TTYH3: variants seen among roughly 807,000 people sequenced by gnomAD.
The protein encoded by TTYH3 is tweety family member 3, also known as protein tweety homolog 3.
TTYH3 carries 23 observed loss-of-function variants against 68.2 expected under a neutral mutation model. The ratio of observed to expected loss-of-function variants is 0.34; its 90% CI spans 0.24 to 0.48. The LOEUF is 0.48. TTYH3 is among the 20% of genes least tolerant of loss of function. The pLI is 0.99. For missense variants in TTYH3, 768 were observed against 727.7 expected, an observed-to-expected ratio of 1.06 and a Z score of -0.64; for synonymous variants, 360 against 332.8, an observed-to-expected ratio of 1.08 and a Z score of -0.89.
In TTYH3 at chr7:2,657,313, G is replaced by C. The variant is rs576969890; in HGVS notation, c.1250+779G>C. 2.3e-4 allele frequency among the ~76,000 whole-genome samples: 35 copies of C among 152,076 alleles called. 1 individual carries two copies. Among genetic ancestry groups the C allele is most frequent in the African/African-American group, 8.2e-4 (34 of 41,448 alleles). On this transcript the variant is annotated intron_variant, in intron 11 of 13. Coordinates refer to ENST00000258796, the MANE Select transcript of TTYH3 (RefSeq NM_025250.3). Reference sequence around the variant, plus strand: ...TGATGGTGATGCTGCCAACGATGATGGTGATGGTGATGGTGGTAATGATGG... The same window carrying C: ...TGATGGTGATGCTGCCAACGATGATCGTGATGGTGATGGTGGTAATGATGG...
At chr7:2,652,892 T>C (rs1313485608) in intron 8 of TTYH3, 26 bp from the exon 9 acceptor site, 2 of 1,541,334 alleles carry the variant, frequency 1.3e-6, no homozygotes, top group East Asian at 2.4e-5. Context: ...GCAGCGCCCA[T>C]GGACTTGGTC....
At chr7:2,653,651 C>T (rs1786252971) in intron 9 of TTYH3, among the ~76,000 whole-genome samples, 3 of 152,142 alleles carry the variant, frequency 2.0e-5, no homozygotes, top group African/African-American at 7.2e-5. Context: ...TCACTTGAGC[C>T]CAGGAATTCA....
Position 2,656,080 on chromosome 7 carries a change from C to T in TTYH3, c.1021-12C>T, listed in dbSNP as rs370979051. ...AATGAAGTGCTGACCATCTGCGGTG[C>T]GTGCCCCCCAGGACCCCCTCCTCCG... On this transcript the variant is annotated splice_polypyrimidine_tract_variant and intron_variant, in intron 9 of 13. Transcript: ENST00000258796. 9.1e-6 allele frequency: 14 copies of T among 1,531,264 alleles called. No individual in the cohort carries two copies. The African/African-American group carries it at 1.1e-4, about 12-fold the overall frequency. 94.9% of individuals were successfully genotyped at this position (1,531,264 alleles called of 1,614,324 possible). A position where few individuals can be genotyped will look rare whatever the true frequency, so the allele number is the denominator to read the frequency against.
chr7:2,658,212 A>G, intron 11 of TTYH3, 74 bp from the exon 12 acceptor site: 1 of 1,403,518 alleles, frequency 7.1e-7, no homozygotes. Flanking sequence ...CTGCACCAGA[A>G]CTGACCCCCA....
chr7:2,661,745 GC>G lies in TTYH3; in HGVS notation c.*9del. The stretch of plus-strand genomic sequence containing the variant: ...ACTCCAGCGGCAGCCACTAGACCGC[GC>G]CCGGCAGCCACCCACCCCACGTGCC... On this transcript the variant is annotated 3_prime_UTR_variant, in exon 14 of 14. Coordinates refer to ENST00000258796, the MANE Select transcript of TTYH3 (RefSeq NM_025250.3). The G allele has an allele frequency of 6.2e-7, 1 of 1,608,626 alleles. No homozygotes were observed.
chr7:2,639,541 G>A (rs1263401938), intron 1 of TTYH3, among the ~76,000 whole-genome samples: 1 of 152,214 alleles, frequency 6.6e-6, no homozygotes, highest in African/African-American at 2.4e-5. Context: ...TCCAAGCCTG[G>A]GCCCCAGCAC....
intron 1 of TTYH3, among the ~76,000 whole-genome samples, chr7:2,636,737 G>A (rs1785666769): frequency 6.6e-6 from 1 of 152,176 alleles, no homozygotes; most frequent in Non-Finnish European, 1.5e-5. Flanking sequence ...CATTCCTGGG[G>A]AGACTCCGAT....
At position 2,659,148 on chromosome 7, in the gene TTYH3, G is replaced by C. The variant is rs542327426; in HGVS notation, c.1500+133G>C. The C allele has an allele frequency of 1.0e-5, 9 of 889,354 alleles. No individual in the cohort carries two copies. The East Asian group carries it at 2.4e-4, about 23-fold the overall frequency. 55.1% of individuals were successfully genotyped at this position (889,354 alleles called of 1,614,324 possible). ...GGGGCAGCTGTGAGCTGCCACCACC[G>C]GGGTCCCAGGTGACCCTTCCCAGCT... On this transcript the variant is annotated intron_variant, in intron 13 of 13. Transcript: ENST00000258796.
In TTYH3 at chr7:2,660,427, G is replaced by A. The variant is rs983326502; in HGVS notation, c.1501-1241G>A. 1.5e-5 allele frequency: 15 copies of A among 985,320 alleles called. No individual in the cohort carries two copies. The South Asian group carries it at 2.3e-4, about 15-fold the overall frequency. The allele number at this position is 985,320 out of a possible 1,614,324, so 61.0% of individuals were successfully genotyped here. A position where few individuals can be genotyped will look rare whatever the true frequency, so the allele number is the denominator to read the frequency against. ...GCCCTGCCCTGGAGGCACCAACTGC[G>A]TGTCAGGGGCGTGCACACGGACAGG... On this transcript the variant is annotated intron_variant, in intron 13 of 13. Transcript: ENST00000258796.
intron 1 of TTYH3, among the ~76,000 whole-genome samples, chr7:2,642,341 GA>G (rs1392489179): frequency 2.0e-5 from 3 of 152,016 alleles, no homozygotes; most frequent in Non-Finnish European, 4.4e-5. Context: ...AGGAGTTCAA[GA>G]CCAGGCTGGC....
chr7:2,647,719 A>C, intron 4 of TTYH3, 81 bp downstream of exon 4: 1 of 1,419,388 alleles, frequency 7.0e-7, no homozygotes, highest in Non-Finnish European at 9.6e-7. Flanking sequence ...CTCAGCACCT[A>C]GTACATGAGG....
In TTYH3 at chr7:2,652,201, T is replaced by C. The variant is rs1045013391; in HGVS notation, c.886T>C (p.Tyr296His). 2.5e-5 allele frequency: 40 copies of C among 1,613,358 alleles called. No individual in the cohort carries two copies. The highest frequency in any genetic ancestry group is 3.2e-5 in the Non-Finnish European group (38 of 1,180,004). The change falls in exon 8 of 14, where the codon TAC (tyrosine) becomes CAC (histidine). Residue 296 changes from tyrosine to histidine, a missense_variant. Coordinates refer to ENST00000258796, the MANE Select transcript of TTYH3 (RefSeq NM_025250.3). ...SVLSGDILQYYLACSPRAANP... is the reference protein window; with the variant it reads ...SVLSGDILQYHLACSPRAANP... ...TCTCTCCGCAGACATCCTGCAGTAC[T>C]ACCTGGCCTGCTCGCCCCGCGCCGC... is the stretch of plus-strand genomic sequence containing the variant.
At chr7:2,640,529 C>G (rs1009380528) in intron 1 of TTYH3, among the ~76,000 whole-genome samples, 2 of 152,206 alleles carry the variant, frequency 1.3e-5, no homozygotes, top group Non-Finnish European at 2.9e-5. Context: ...CCAGGATGCC[C>G]AGCAGCAGCC....
In TTYH3 at chr7:2,652,857, G is replaced by C. The variant is rs546643325; in HGVS notation, c.928-61G>C. The stretch of plus-strand genomic sequence containing the variant: ...TGGTGTCCCCGCGTTGGAGGGTCCT[G>C]GGGAGGGAGAGGCGGGCGGACCCAG... On this transcript the variant is annotated intron_variant, in intron 8 of 13. Transcript: ENST00000258796. 20 of 1,412,030 alleles carry C rather than the reference G, an allele frequency of 1.4e-5. 1 individual carries two copies. In the African/African-American group the frequency reaches 2.6e-4, roughly 18 times the overall value. 87.5% of individuals were successfully genotyped at this position (1,412,030 alleles called of 1,614,324 possible). A position where few individuals can be genotyped will look rare whatever the true frequency, so the allele number is the denominator to read the frequency against.
intron 5 of TTYH3, chr7:2,648,659 A>G (rs376315155): frequency 1.6e-4 from 25 of 152,956 alleles, no homozygotes; most frequent in African/African-American, 6.0e-4. Context: ...CTCACAGGCC[A>G]CAGAGGAGCA....
Position 2,652,891 on chromosome 7 carries a change from A to G in TTYH3, c.928-27A>G, listed in dbSNP as rs145844531. ...GAGGCGGGCGGACCCAGCAGCGCCCATGGACTTGGTCTCCTCTCTGGAGCA... is the reference window on the plus strand; with the variant it reads ...GAGGCGGGCGGACCCAGCAGCGCCCGTGGACTTGGTCTCCTCTCTGGAGCA... On this transcript the variant is annotated intron_variant, in intron 8 of 13. Coordinates refer to ENST00000258796, the MANE Select transcript of TTYH3 (RefSeq NM_025250.3). The G allele has an allele frequency of 1.3e-3, 2,012 of 1,539,856 alleles. 5 individuals carry two copies. Among genetic ancestry groups the G allele is most frequent in the Middle Eastern group, 5.1e-3 (23 of 4,526 alleles).
intron 1 of TTYH3, among the ~76,000 whole-genome samples, chr7:2,643,326 G>A (rs1785901404): frequency 6.8e-6 from 1 of 146,282 alleles, no homozygotes; most frequent in African/African-American, 2.6e-5. Context: ...CTGCACTCCA[G>A]CCTGGGCGAC....
rs2286689 is a variant in TTYH3 at position 2,659,032 on chromosome 7, G to A, written c.1500+17G>A. ...CCGCCCTCAGTAAGTCTTGGGGCAG[G>A]AGGGTGGATGGGGGGCTGCTCAGCC... On this transcript the variant is annotated intron_variant, in intron 13 of 13. Transcript: ENST00000258796. The A allele has an allele frequency of 1.7e-5, 28 of 1,612,154 alleles. No individual in the cohort carries two copies. In the East Asian group the frequency reaches 6.2e-4, roughly 36 times the overall value.
At chr7:2,658,252 G>T in intron 11 of TTYH3, 34 bp from the exon 12 acceptor site, 1 of 1,497,862 alleles carries the variant, frequency 6.7e-7, no homozygotes, top group African/African-American at 1.4e-5. Flanking sequence ...TTCCTGCTGG[G>T]GCCTGAGCCC....
Sources: gnomAD v4.1 joint callset for allele counts (sites outside exome capture counted in the v4.1 genomes callset) on GRCh38, gnomAD v4.1.1 for gene constraint, MANE v1.5 for transcripts, NCBI Gene and HGNC (gene_info 2026-07-23, HGNC 2026-07-21) for gene names.